GRHL2: variants seen among roughly 807,000 people sequenced by gnomAD.
GRHL2 encodes grainyhead-like protein 2 homolog.
A neutral mutation model predicts 83.8 loss-of-function variants in GRHL2; 21 were observed. The ratio of observed to expected loss-of-function variants is 0.25; its 90% CI spans 0.18 to 0.36. GRHL2 has a LOEUF of 0.36. Ranked by LOEUF, GRHL2 falls within the 10% of genes least tolerant of loss-of-function variation. GRHL2 has a pLI of 1.00. For missense variants in GRHL2, 623 were observed against 781.8 expected (o/e 0.80, Z 2.42); for synonymous variants, 280 against 278.9 (o/e 1.00, Z -0.04).
At chr8:101,580,020 G>A (rs937939056) in intron 7 of GRHL2, among the ~76,000 whole-genome samples, 1 of 152,142 alleles carries the variant, frequency 6.6e-6, no homozygotes, top group African/African-American at 2.4e-5. Flanking sequence ...TGAAACTGGA[G>A]GTTAAACTCA....
At chr8:101,646,638 G>C (rs1021316699) in intron 13 of GRHL2, among the ~76,000 whole-genome samples, 3 of 152,278 alleles carry the variant, frequency 2.0e-5, no homozygotes, top group African/African-American at 7.2e-5. Context: ...TTCTCCAAGA[G>C]AGAGAATGAA....
At position 101,513,914 on chromosome 8, in the gene GRHL2, T is replaced by G. The variant is rs894602927; in HGVS notation, c.20+21125T>G. Among the ~76,000 whole-genome samples the G allele has an allele frequency of 2.0e-5, 3 of 152,322 alleles. No homozygotes were observed. In the East Asian group the frequency reaches 5.8e-4, roughly 29 times the overall value. On this transcript the variant is annotated intron_variant, in intron 1 of 15. Transcript: ENST00000646743. Reference sequence around the variant, plus strand: ...GTTGAAATTATCTATTCCTTGAAGGTTGCTGGGCCCATGAAAGTCCTTGAC... The same window carrying G: ...GTTGAAATTATCTATTCCTTGAAGGGTGCTGGGCCCATGAAAGTCCTTGAC...
At chr8:101,578,112 G>A (rs533615788) in intron 7 of GRHL2, among the ~76,000 whole-genome samples, 11 of 152,286 alleles carry the variant, frequency 7.2e-5, no homozygotes, top group South Asian at 2.1e-4. Context: ...CACATCACTC[G>A]GGGTCCAGTC....
At chr8:101,590,183 G>A (rs1270172153) in intron 7 of GRHL2, among the ~76,000 whole-genome samples, 2 of 152,114 alleles carry the variant, frequency 1.3e-5, no homozygotes, top group South Asian at 4.2e-4. Context: ...CAGCTCTAGT[G>A]TTAACACACT....
At chr8:101,515,814 G>C (rs996639896) in intron 1 of GRHL2, among the ~76,000 whole-genome samples, 1 of 152,118 alleles carries the variant, frequency 6.6e-6, no homozygotes, top group Non-Finnish European at 1.5e-5. Context: ...GTCTACCAAA[G>C]ACAGCTTAAG....
At chr8:101,597,776 C>T (rs543742019) in intron 7 of GRHL2, among the ~76,000 whole-genome samples, 2 of 151,136 alleles carry the variant, frequency 1.3e-5, no homozygotes, top group Admixed American at 6.6e-5. Flanking sequence ...CACATGTATA[C>T]ATATGTAACA....
In GRHL2 at chr8:101,559,717, G is replaced by GAACTTAAATTATTT. The variant is rs1811569230; in HGVS notation, c.678+907_678+908insCTTAAATTATTTAA. Among the ~76,000 whole-genome samples, 3 of 152,252 alleles carry GAACTTAAATTATTT rather than the reference G, an allele frequency of 2.0e-5. No individual in the cohort carries two copies. The South Asian group carries it at 6.2e-4, about 32-fold the overall frequency. On this transcript the variant is annotated intron_variant, in intron 4 of 15. Coordinates refer to ENST00000646743, the MANE Select transcript of GRHL2 (RefSeq NM_024915.4). ...ACTTTGCTTGTTTATTTTAAATTCAGAAGTTCTAAGTGCACAGTTGAGAAT... is the reference window on the plus strand; with the variant it reads ...ACTTTGCTTGTTTATTTTAAATTCAGAACTTAAATTATTTAAGTTCTAAGTGCACAGTTGAGAAT...
At position 101,496,525 on chromosome 8, in the gene GRHL2, T is replaced by G. The variant is rs528607172; in HGVS notation, c.20+3736T>G. On this transcript the variant is annotated intron_variant, in intron 1 of 15. Transcript: ENST00000646743. ...TATACTTGGCATTGAGATTCACTGG[T>G]GAATAGAACTTAGTCCCTGCCTGCA... Among the ~76,000 whole-genome samples, 7 of 152,168 alleles carry G rather than the reference T, an allele frequency of 4.6e-5. No homozygotes were observed. In the South Asian group the frequency reaches 1.5e-3, roughly 32 times the overall value.
intron 7 of GRHL2, among the ~76,000 whole-genome samples, chr8:101,589,185 C>G (rs1812226185): frequency 6.6e-6 from 1 of 152,160 alleles, no homozygotes; most frequent in African/African-American, 2.4e-5. Context: ...ATGTTACTTA[C>G]CAAAGCACAG....
chr8:101,497,458 A>G (rs1810130918), intron 1 of GRHL2, among the ~76,000 whole-genome samples: 1 of 152,234 alleles, frequency 6.6e-6, no homozygotes, highest in Admixed American at 6.5e-5. Context: ...TCCCATTTTC[A>G]ATGAAGTAAA....
chr8:101,534,047 G>T (rs1352029183), intron 1 of GRHL2, among the ~76,000 whole-genome samples: 1 of 152,166 alleles, frequency 6.6e-6, no homozygotes, highest in Non-Finnish European at 1.5e-5. Flanking sequence ...CTGTTTTGTT[G>T]AGAATAGACT....
intron 1 of GRHL2, among the ~76,000 whole-genome samples, chr8:101,522,769 A>T (rs748617176): frequency 6.9e-4 from 104 of 151,234 alleles, no homozygotes; most frequent in Non-Finnish European, 1.1e-3. Context: ...ATATACATAT[A>T]TATATATAAA....
At chr8:101,630,186 T>A (rs1438000914) in intron 9 of GRHL2, among the ~76,000 whole-genome samples, 1 of 152,228 alleles carries the variant, frequency 6.6e-6, no homozygotes, top group Non-Finnish European at 1.5e-5. Flanking sequence ...CCATAAGGCA[T>A]CTCTTTTGTG....
chr8:101,494,490 A>G (rs757319961), intron 1 of GRHL2, among the ~76,000 whole-genome samples: 1 of 151,704 alleles, frequency 6.6e-6, no homozygotes, highest in African/African-American at 2.4e-5. Flanking sequence ...GTCTGAGAAC[A>G]CCCCCAGCTC....
intron 1 of GRHL2, among the ~76,000 whole-genome samples, chr8:101,519,264 C>T (rs56353704): frequency 0.011 from 1,687 of 152,008 alleles, 13 homozygotes; most frequent in Middle Eastern, 0.02. Flanking sequence ...CTCAAGTAAT[C>T]CTCCCGCCTT....
chr8:101,563,790 T>C (rs1350605117), intron 4 of GRHL2, among the ~76,000 whole-genome samples: 4 of 152,318 alleles, frequency 2.6e-5, no homozygotes, highest in Non-Finnish European at 4.4e-5. Context: ...GTTGATTATT[T>C]GATTTGCTCT....
chr8:101,542,022 C>G (rs1381820127), intron 1 of GRHL2, among the ~76,000 whole-genome samples: 1 of 152,190 alleles, frequency 6.6e-6, no homozygotes, highest in African/African-American at 2.4e-5. Flanking sequence ...CGTCTCATTA[C>G]TGCTGTTCCA....
chr8:101,577,843 GTCAGA>G (rs1292278573), intron 7 of GRHL2, among the ~76,000 whole-genome samples: 2 of 152,220 alleles, frequency 1.3e-5, no homozygotes, highest in Non-Finnish European at 2.9e-5. Flanking sequence ...CAGTCAGCAG[GTCAGA>G]TGAACTCTTA....
rs888036641 is a variant in GRHL2 at position 101,632,461 on chromosome 8, A to G, written c.1485+96A>G. 24 of 1,425,628 alleles carry G rather than the reference A, an allele frequency of 1.7e-5. No individual in the cohort carries two copies. In the African/African-American group the frequency reaches 3.1e-4, roughly 18 times the overall value. The allele number at this position is 1,425,628 out of a possible 1,614,324, so 88.3% of individuals were successfully genotyped here. A position where few individuals can be genotyped will look rare whatever the true frequency, so the allele number is the denominator to read the frequency against. On this transcript the variant is annotated intron_variant, in intron 11 of 15. Transcript: ENST00000646743. Reference sequence around the variant, plus strand: ...TTCAGACAGTGTTGACCTCAAAAATAACTTACCTTCCATTCACTAGAGAAA... The same window carrying G: ...TTCAGACAGTGTTGACCTCAAAAATGACTTACCTTCCATTCACTAGAGAAA...
Sources: allele counts gnomAD v4.1 joint callset (sites outside exome capture counted in the v4.1 genomes callset), GRCh38; gene constraint gnomAD v4.1.1; transcripts MANE v1.5; gene names NCBI Gene and HGNC (gene_info 2026-07-23, HGNC 2026-07-21).